Variants in TNNI3K observed in about 807,000 individuals in gnomAD.
TNNI3K encodes the protein serine/threonine-protein kinase TNNI3K.
Under a neutral mutation model 114.5 loss-of-function variants are expected in TNNI3K, and 140 were observed. That is an observed-to-expected ratio of 1.22 (90% CI 1.07 to 1.41). The LOEUF (loss-of-function observed/expected upper bound fraction) is 1.41, where lower values mean the gene tolerates loss of function less well. Among genes scored for constraint, TNNI3K ranks in the 40% most tolerant of loss-of-function variants. The pLI, the probability that TNNI3K is intolerant of heterozygous loss-of-function variation, is 0.00. For missense variants in TNNI3K, 1,125 were observed against 1,007.6 expected, an observed-to-expected ratio of 1.12 and a Z score of -1.58; for synonymous variants, 347 against 347.5, an observed-to-expected ratio of 1.00 and a Z score of 0.02.
At chr1:74,341,720 C>G (rs2100441641) in intron 7 of TNNI3K, 1 of 152,252 alleles carries the variant, frequency 6.6e-6, no homozygotes, top group East Asian at 1.9e-4. Context: ...GAACAACATC[C>G]AGAATCATGC....
chr1:74,335,723 T>C lies in TNNI3K; in HGVS notation c.544-288T>C, dbSNP rs57070534. ...AAAAGGTAGAGGTCATCTCCTGCTC[T>C]ACCCTGTGAACTTCAGTTTGTAATG... On this transcript the variant is annotated intron_variant, in intron 6 of 24. Coordinates refer to ENST00000326637, the MANE Select transcript of TNNI3K (RefSeq NM_015978.3). Among the ~76,000 whole-genome samples, 626 of 152,300 alleles carry C rather than the reference T, an allele frequency of 4.1e-3. 4 individuals are homozygous for C. The highest frequency in any genetic ancestry group is 0.014 in the African/African-American group (602 of 41,564).
At chr1:74,365,632 G>A (rs1338526666) in intron 11 of TNNI3K, among the ~76,000 whole-genome samples, 1 of 151,966 alleles carries the variant, frequency 6.6e-6, no homozygotes, top group Non-Finnish European at 1.5e-5. Context: ...AACATGTTAT[G>A]TTTGCTCCCA....
At chr1:74,357,133 G>C (rs1219261956) in intron 11 of TNNI3K, among the ~76,000 whole-genome samples, 1 of 152,100 alleles carries the variant, frequency 6.6e-6, no homozygotes, top group Non-Finnish European at 1.5e-5. Context: ...CCTTGGAGAG[G>C]GAATCACTAT....
In TNNI3K at chr1:74,540,260, T is replaced by A. The variant is rs1347799184; in HGVS notation, c.2378T>A (p.Leu793Gln). 1 of 1,612,570 alleles carries A rather than the reference T, an allele frequency of 6.2e-7. No homozygotes were observed. The highest frequency in any genetic ancestry group is 2.2e-5 in the East Asian group (1 of 44,728). Residue 793 changes from leucine to glutamine, a missense_variant, in exon 24 of 25, where the codon CTG becomes CAG. Physicochemically the swap from Leu to Gln is moderately radical, Grantham distance 113. Coordinates refer to ENST00000326637, the MANE Select transcript of TNNI3K (RefSeq NM_015978.3). ...GCTGGACAATATTCCTCTCAAGGTC[T>A]GTCTTTGGAGGAGATGAAAAGAAGT... ...QSAGQYSSQG[L>Q]SLEEMKRSLQ...
intron 11 of TNNI3K, among the ~76,000 whole-genome samples, chr1:74,365,810 T>G (rs1662239324): frequency 6.6e-6 from 1 of 152,104 alleles, no homozygotes; most frequent in African/African-American, 2.4e-5. Context: ...TATTTCATTA[T>G]AACTTATTCC....
intron 23 of TNNI3K, among the ~76,000 whole-genome samples, chr1:74,538,043 G>A (rs1646680863): frequency 6.6e-6 from 1 of 152,076 alleles, no homozygotes; most frequent in African/African-American, 2.4e-5. Context: ...AATTCAAGGA[G>A]TCTGGCACTA....
chr1:74,300,473 TATC>T (rs1488453696), intron 5 of TNNI3K, among the ~76,000 whole-genome samples: 2 of 152,350 alleles, frequency 1.3e-5, no homozygotes, highest in East Asian at 3.8e-4. Context: ...ATTACAGAAT[TATC>T]ATTTTGATGT....
intron 4 of TNNI3K, among the ~76,000 whole-genome samples, chr1:74,259,222 A>T (rs535740063): frequency 2.1e-4 from 32 of 152,322 alleles, no homozygotes; most frequent in African/African-American, 7.0e-4. Flanking sequence ...TCTTCCGTCT[A>T]TAAGCTGGAG....
chr1:74,491,474 TCATGATCC>T (rs1446547401), intron 22 of TNNI3K, among the ~76,000 whole-genome samples: 1 of 151,912 alleles, frequency 6.6e-6, no homozygotes, highest in Non-Finnish European at 1.5e-5. Context: ...TCTCTTGACC[TCATGATCC>T]GCTCACCTCA....
chr1:74,405,306 A>T (rs1216861427), intron 17 of TNNI3K, among the ~76,000 whole-genome samples: 1 of 152,206 alleles, frequency 6.6e-6, no homozygotes, highest in Non-Finnish European at 1.5e-5. Flanking sequence ...GTCTAAAAAA[A>T]CCATGAGGCT....
At chr1:74,281,768 C>T (rs959836479) in intron 5 of TNNI3K, among the ~76,000 whole-genome samples, 2 of 150,320 alleles carry the variant, frequency 1.3e-5, no homozygotes, top group Non-Finnish European at 3.0e-5. Context: ...AACATTGGTT[C>T]TTGATATTTA....
intron 24 of TNNI3K, among the ~76,000 whole-genome samples, chr1:74,542,975 A>C (rs1405248344): frequency 6.6e-6 from 1 of 152,040 alleles, no homozygotes; most frequent in East Asian, 1.9e-4. Flanking sequence ...GTACCTTTAA[A>C]ATTTGGGCTA....
At chr1:74,430,054 A>C (rs1295147626) in intron 17 of TNNI3K, among the ~76,000 whole-genome samples, 1 of 152,238 alleles carries the variant, frequency 6.6e-6, no homozygotes, top group Admixed American at 6.5e-5. Flanking sequence ...AATATTTATG[A>C]ATTTTTAAGT....
intron 20 of TNNI3K, among the ~76,000 whole-genome samples, chr1:74,454,336 G>T (rs1667143512): frequency 6.6e-6 from 1 of 150,846 alleles, no homozygotes. Flanking sequence ...CTGTACTTTT[G>T]TATCTATTAA....
At chr1:74,360,014 T>C (rs994478934) in intron 11 of TNNI3K, among the ~76,000 whole-genome samples, 1 of 151,944 alleles carries the variant, frequency 6.6e-6, no homozygotes, top group African/African-American at 2.4e-5. Flanking sequence ...CCTCAACTTC[T>C]CCTCCCACCA....
chr1:74,434,083 A>G (rs1313414921), intron 17 of TNNI3K, among the ~76,000 whole-genome samples: 1 of 151,928 alleles, frequency 6.6e-6, no homozygotes, highest in African/African-American at 2.4e-5. Context: ...TGGTAATTGC[A>G]TTCTAAAATT....
intron 4 of TNNI3K, among the ~76,000 whole-genome samples, chr1:74,258,178 C>A (rs1655446014): frequency 6.6e-6 from 1 of 152,168 alleles, no homozygotes; most frequent in East Asian, 1.9e-4. Flanking sequence ...ATCAGGTGAT[C>A]TTTTCTAGAT....
chr1:74,404,511 G>A (rs1664520218), intron 17 of TNNI3K, among the ~76,000 whole-genome samples: 1 of 152,120 alleles, frequency 6.6e-6, no homozygotes. Context: ...TCACACTTCA[G>A]CATACATCAG....
rs55654209 is a variant in TNNI3K, at chr1:74,369,538, A to T, written c.1620A>T (p.Gln540His). Residue 540 changes from glutamine (Q) to histidine (H), a missense_variant, in exon 16 of 25, where the codon CAA becomes CAT. Transcript: ENST00000326637. The part of the protein sequence containing the change: ...NDPSQFAIVT[Q>H]YISGGSLFSL... The stretch of plus-strand genomic sequence containing the variant: ...CCAGCCAGTTTGCCATTGTCACTCA[A>T]TACATATCAGGGGGTTCTCTGTTCT... 3.7e-6 allele frequency: 6 copies of T among 1,612,318 alleles called. No homozygotes were observed. The African/African-American group carries it at 8.0e-5, about 22-fold the overall frequency.
Sources: allele counts gnomAD v4.1 joint callset (sites outside exome capture counted in the v4.1 genomes callset), GRCh38; gene constraint gnomAD v4.1.1; transcripts MANE v1.5; gene names NCBI Gene and HGNC (gene_info 2026-07-23, HGNC 2026-07-21).